Variants in UGGT2 observed in about 807,000 individuals in gnomAD.
UGGT2 encodes UDP-glucose:glycoprotein glucosyltransferase 2.
A neutral mutation model predicts 192.1 loss-of-function variants in UGGT2; 180 were observed. The observed-to-expected ratio is 0.94, with a 90% CI of 0.83 to 1.06. UGGT2 has a LOEUF of 1.06. UGGT2 is among the 50% of genes least tolerant of loss of function. The pLI, the probability that UGGT2 is intolerant of heterozygous loss-of-function variation, is 0.00. For missense variants in UGGT2, 1,849 were observed against 1,795.7 expected (o/e 1.03, Z -0.54); for synonymous variants, 580 against 591.0 (o/e 0.98, Z 0.27).
chr13:96,004,352 T>C (rs2051902782), intron 5 of UGGT2, among the ~76,000 whole-genome samples: 1 of 152,122 alleles, frequency 6.6e-6, no homozygotes, highest in Non-Finnish European at 1.5e-5. Flanking sequence ...ATTATTTCTT[T>C]GTGTTAGGAA....
At chr13:95,861,006 TATA>T in intron 31 of UGGT2, 123 bp from the exon 32 acceptor site, 1 of 436,844 alleles carries the variant, frequency 2.3e-6, no homozygotes, top group Non-Finnish European at 4.0e-6. Flanking sequence ...ATAAACACTC[TATA>T]ATATTTACAA....
chr13:95,968,434 C>T (rs923983283), intron 12 of UGGT2, among the ~76,000 whole-genome samples: 1 of 152,164 alleles, frequency 6.6e-6, no homozygotes, highest in Admixed American at 6.5e-5. Context: ...CCACCCAAAT[C>T]TTACGCTGAA....
intron 38 of UGGT2, among the ~76,000 whole-genome samples, chr13:95,802,067 A>G (rs781196315): frequency 1.2e-4 from 18 of 152,190 alleles, no homozygotes; most frequent in Admixed American, 2.6e-4. Flanking sequence ...GACAAGGAAC[A>G]TACCTTACTT....
At chr13:95,817,756 C>T (rs1346472214) in intron 38 of UGGT2, among the ~76,000 whole-genome samples, 4 of 151,902 alleles carry the variant, frequency 2.6e-5, no homozygotes, top group Non-Finnish European at 4.4e-5. Context: ...ACATTAGAAG[C>T]TTCATTAAAG....
intron 20 of UGGT2, among the ~76,000 whole-genome samples, chr13:95,906,863 G>A (rs2048307521): frequency 6.6e-6 from 1 of 152,190 alleles, no homozygotes. Flanking sequence ...CAGTGTGACC[G>A]ATGCAGCAGA....
At chr13:95,967,311 C>T (rs1402988780) in intron 12 of UGGT2, among the ~76,000 whole-genome samples, 3 of 151,840 alleles carry the variant, frequency 2.0e-5, no homozygotes, top group Non-Finnish European at 4.4e-5. Context: ...TACCACCACA[C>T]CCAGCTAATT....
chr13:95,985,041 T>G (rs2051246290), intron 9 of UGGT2: 1 of 172,022 alleles, frequency 5.8e-6, no homozygotes. Flanking sequence ...ATTTTATAAT[T>G]TTTTCTTAAT....
chr13:95,819,373 T>C (rs1163738020), intron 38 of UGGT2, among the ~76,000 whole-genome samples: 1 of 152,170 alleles, frequency 6.6e-6, no homozygotes, highest in Non-Finnish European at 1.5e-5. Context: ...TTTATTTATA[T>C]ACCATTGTTA....
Position 95,884,692 on chromosome 13 carries a change from A to T in UGGT2, c.3039-12T>A. On this transcript the variant is annotated splice_polypyrimidine_tract_variant and intron_variant, in intron 26 of 38. Coordinates refer to ENST00000376747, the MANE Select transcript of UGGT2 (RefSeq NM_020121.4). ...CAAAACGGTAAAAGCTGTTAATAAA[A>T]CATAAAAATACATAATGTGACCAAA... 1 of 1,585,342 alleles carries T rather than the reference A, an allele frequency of 6.3e-7. No homozygotes were observed. Among genetic ancestry groups the T allele is most frequent in the Non-Finnish European group, 8.6e-7 (1 of 1,169,566 alleles).
chr13:95,992,253 C>G (rs1014669038), intron 7 of UGGT2, among the ~76,000 whole-genome samples: 1 of 152,180 alleles, frequency 6.6e-6, no homozygotes, highest in Admixed American at 6.5e-5. Flanking sequence ...GGTAGTTTGA[C>G]AGGAATAGCA....
intron 17 of UGGT2, among the ~76,000 whole-genome samples, chr13:95,931,324 C>A (rs1404685882): frequency 6.6e-6 from 1 of 152,186 alleles, no homozygotes; most frequent in African/African-American, 2.4e-5. Context: ...CCCTCAGCTA[C>A]ACATAAAGGT....
chr13:95,895,059 T>C, intron 23 of UGGT2, 121 bp downstream of exon 23: 1 of 1,002,600 alleles, frequency 1.0e-6, no homozygotes, highest in Non-Finnish European at 1.4e-6. Context: ...TTATATTCTT[T>C]ATATATGTCT....
At chr13:95,959,914 G>A (rs1238774552) in intron 12 of UGGT2, among the ~76,000 whole-genome samples, 2 of 152,112 alleles carry the variant, frequency 1.3e-5, no homozygotes, top group African/African-American at 4.8e-5. Context: ...GGCCCAACTG[G>A]TGTCCCACAT....
At chr13:95,976,827 G>T (rs563615348) in intron 10 of UGGT2, among the ~76,000 whole-genome samples, 1 of 152,108 alleles carries the variant, frequency 6.6e-6, no homozygotes, top group African/African-American at 2.4e-5. Context: ...AACTAAAACC[G>T]CATGGTACTG....
chr13:95,978,979 C>G (rs898849638), intron 10 of UGGT2, among the ~76,000 whole-genome samples: 2 of 152,090 alleles, frequency 1.3e-5, no homozygotes, highest in African/African-American at 2.4e-5. Context: ...ATTTGAATAT[C>G]TGCATTTTAG....
intron 10 of UGGT2, among the ~76,000 whole-genome samples, chr13:95,982,630 G>A (rs1242168636): frequency 6.6e-6 from 1 of 151,966 alleles, no homozygotes; most frequent in Non-Finnish European, 1.5e-5. Context: ...TCCCATTCAG[G>A]TGCCCCTCTC....
At chr13:96,012,296 A>T (rs2139067631) in intron 5 of UGGT2, among the ~76,000 whole-genome samples, 1 of 152,160 alleles carries the variant, frequency 6.6e-6, no homozygotes, top group South Asian at 2.1e-4. Flanking sequence ...TTCCAGATGG[A>T]TTAAAAACCA....
intron 38 of UGGT2, among the ~76,000 whole-genome samples, chr13:95,818,789 T>C (rs1402117080): frequency 1.3e-5 from 2 of 152,054 alleles, no homozygotes; most frequent in Non-Finnish European, 2.9e-5. Flanking sequence ...TGGCGTCACC[T>C]GGGATGGCAA....
intron 38 of UGGT2, chr13:95,832,690 A>C: frequency 1.7e-6 from 1 of 596,214 alleles, no homozygotes; most frequent in Non-Finnish European, 3.2e-6. Context: ...GACTAATGTT[A>C]CACTATCTAT....
Sources: allele counts gnomAD v4.1 joint callset (sites outside exome capture counted in the v4.1 genomes callset), GRCh38; gene constraint gnomAD v4.1.1; transcripts MANE v1.5; gene names NCBI Gene and HGNC (gene_info 2026-07-23, HGNC 2026-07-21).